Variants in HBEGF observed in about 807,000 individuals in gnomAD.
HBEGF encodes the protein proheparin-binding EGF-like growth factor.
A neutral mutation model predicts 19.5 loss-of-function variants in HBEGF; 8 were observed. The observed-to-expected ratio is 0.41, with a 90% confidence interval of 0.24 to 0.74. HBEGF has a LOEUF of 0.74. Among genes scored for constraint, HBEGF ranks in the 30% least tolerant of loss-of-function variants. HBEGF has a pLI of 0.32. For missense variants in HBEGF, 207 were observed against 256.9 expected (o/e 0.81, Z 1.33); for synonymous variants, 97 against 108.9 (o/e 0.89, Z 0.68).
At position 140,333,835 on chromosome 5, in the gene HBEGF, A is replaced by G. The variant is rs984162696; in HGVS notation, c.*464T>C. ...TCAAATCCAGCACTGGAGGGTCCCA[A>G]TGGCAGATCCCTTGGTGGTACTTGA... On this transcript the variant is annotated 3_prime_UTR_variant, in exon 6 of 6. Coordinates refer to ENST00000230990, the MANE Select transcript of HBEGF (RefSeq NM_001945.3). The G allele has an allele frequency of 3.9e-5, 6 of 152,572 alleles. No homozygotes were observed. Among genetic ancestry groups the G allele is most frequent in the Admixed American group, 1.3e-4 (2 of 15,270 alleles). The allele number at this position is 152,572 out of a possible 1,614,324, so 9.5% of individuals were successfully genotyped here.
chr5:140,335,072 A>G, intron 4 of HBEGF: 1 of 363,022 alleles, frequency 2.8e-6, no homozygotes, highest in Non-Finnish European at 5.1e-6. Context: ...CTCATGACAG[A>G]TGAGTTACAC....
rs1159984407 is a variant in HBEGF at position 140,342,767 on chromosome 5, T to A, written c.266A>T (p.Glu89Val). ...TTTCTTCTTTCTTTTCCCGTGCTCC[T>A]CCTTGTTTGGTGTGGCCAGTGCTTG... ...KPQALATPNK[E>V]EHGKRKKKGK... is the part of the protein sequence containing the mutation. Residue 89 changes from glutamate (E) to valine (V), a missense_variant, in exon 3 of 6, where the codon GAG (glutamate) becomes GTG (valine). Coordinates refer to ENST00000230990, the MANE Select transcript of HBEGF (RefSeq NM_001945.3). 3 of 1,614,196 alleles carry A rather than the reference T, an allele frequency of 1.9e-6. No homozygotes were observed. The highest frequency in any genetic ancestry group is 1.7e-6 in the Non-Finnish European group (2 of 1,180,034).
chr5:140,346,419 A>C lies in HBEGF; in HGVS notation c.-91T>G. 20 of 1,422,416 alleles carry C rather than the reference A, an allele frequency of 1.4e-5. No homozygotes were observed. The highest frequency in any genetic ancestry group is 1.9e-5 in the Non-Finnish European group (20 of 1,037,638). 88.1% of individuals were successfully genotyped at this position (1,422,416 alleles called of 1,614,324 possible). On this transcript the variant is annotated 5_prime_UTR_variant, in exon 1 of 6. Coordinates refer to ENST00000230990, the MANE Select transcript of HBEGF (RefSeq NM_001945.3). This position sits in a 1 kb window ranked among gnomAD's most constrained non-coding sequence, Gnocchi z 6.1. ...GCACCAGAGCTGGGCGGCGGAGCTC[A>C]GGAGATTCCGCCGGGCACCGTCTGC... is the stretch of plus-strand genomic sequence containing the variant.
Position 140,345,908 on chromosome 5 carries a change from C to A in HBEGF, c.220+3G>T. The A allele has an allele frequency of 6.2e-7, 1 of 1,614,106 alleles. No homozygotes were observed. Among genetic ancestry groups the A allele is most frequent in the East Asian group, 2.2e-5 (1 of 44,880 alleles). ...TCCAAGGATGGGGGGCCTCCACACC[C>A]ACCTCTCAAAAGGTCCAGATCTGCC... On this transcript the variant is annotated splice_donor_region_variant and intron_variant, in intron 2 of 5. Transcript: ENST00000230990.
chr5:140,343,821 T>C (rs915758257), intron 2 of HBEGF, among the ~76,000 whole-genome samples: 3 of 151,888 alleles, frequency 2.0e-5, no homozygotes, highest in African/African-American at 7.3e-5. Flanking sequence ...AGACTTAGAG[T>C]CTCAAGCTAG....
Position 140,334,855 on chromosome 5 carries a change from G to A in HBEGF, c.555-107C>T, listed in dbSNP as rs1766203736. ...GCCATGGTGGTTTCCTCTACTACTT[G>A]GAAAAGCCCAGGCAGTAGGGCAGCC... is the stretch of plus-strand genomic sequence containing the variant. On this transcript the variant is annotated intron_variant, in intron 4 of 5. Coordinates refer to ENST00000230990, the MANE Select transcript of HBEGF (RefSeq NM_001945.3). 6.5e-6 allele frequency: 6 copies of A among 926,268 alleles called. 1 individual carries two copies. Among genetic ancestry groups the A allele is most frequent in the Admixed American group, 1.7e-5 (1 of 57,660 alleles). 57.4% of individuals were successfully genotyped at this position (926,268 alleles called of 1,614,324 possible). A position where few individuals can be genotyped will look rare whatever the true frequency, so the allele number is the denominator to read the frequency against.
intron 2 of HBEGF, among the ~76,000 whole-genome samples, chr5:140,343,866 G>A (rs1264769588): frequency 6.6e-6 from 1 of 152,274 alleles, no homozygotes; most frequent in African/African-American, 2.4e-5. Flanking sequence ...GCCAGGCACG[G>A]TGGCTCACGC....
chr5:140,339,800 C>T (rs1766281211), intron 3 of HBEGF, among the ~76,000 whole-genome samples: 1 of 152,180 alleles, frequency 6.6e-6, no homozygotes, highest in African/African-American at 2.4e-5. Context: ...CTCAGGCTCA[C>T]CACAGCAGCC....
intron 3 of HBEGF, among the ~76,000 whole-genome samples, chr5:140,341,293 A>G (rs1453620884): frequency 6.6e-6 from 1 of 152,212 alleles, no homozygotes; most frequent in African/African-American, 2.4e-5. Context: ...CCCAGGACCA[A>G]TCTGGTATAG....
In HBEGF at chr5:140,333,619, A is replaced by G. The variant is rs1766185367; in HGVS notation, c.*680T>C. 1 of 152,702 alleles carries G rather than the reference A, an allele frequency of 6.5e-6. No individual in the cohort carries two copies. Among genetic ancestry groups the G allele is most frequent in the Non-Finnish European group, 1.5e-5 (1 of 68,054 alleles). 9.5% of individuals were successfully genotyped at this position (152,702 alleles called of 1,614,324 possible). A position where few individuals can be genotyped will look rare whatever the true frequency, so the allele number is the denominator to read the frequency against. ...GGAGGGCCAGGAAATTGCCAAAGTA[A>G]CAGTCTAGGCACTTGAAATATTATT... On this transcript the variant is annotated 3_prime_UTR_variant, in exon 6 of 6. Coordinates refer to ENST00000230990, the MANE Select transcript of HBEGF (RefSeq NM_001945.3).
At chr5:140,342,506 C>T in intron 3 of HBEGF, 129 bp downstream of exon 3, 2 of 913,870 alleles carry the variant, frequency 2.2e-6, no homozygotes, top group Non-Finnish European at 3.4e-6. Context: ...CCCCTCCTCC[C>T]AACTTCCGCC....
rs1053026377 is a variant in HBEGF at position 140,333,969 on chromosome 5, T to A, written c.*330A>T. On this transcript the variant is annotated 3_prime_UTR_variant, in exon 6 of 6. Transcript: ENST00000230990. ...TTTCAGTCAAAGATCCTGGAGCATA[T>A]GGAATTTAACCGGCATTCTAATCCA... 6.6e-6 allele frequency: 1 copy of A among 152,564 alleles called. No homozygotes were observed. The highest frequency in any genetic ancestry group is 1.5e-5 in the Non-Finnish European group (1 of 68,044). The allele number at this position is 152,564 out of a possible 1,614,324, so 9.5% of individuals were successfully genotyped here.
Position 140,342,753 on chromosome 5 carries a change from T to C in HBEGF, c.280A>G (p.Arg94Gly). 6.2e-7 allele frequency: 1 copy of C among 1,614,220 alleles called. No homozygotes were observed. The highest frequency in any genetic ancestry group is 8.5e-7 in the Non-Finnish European group (1 of 1,180,036). ...ATPNKEEHGKRKKKGKGLGKK... is the reference protein window; with the variant it reads ...ATPNKEEHGKGKKKGKGLGKK... ...CCTAGCCCCTTGCCTTTCTTCTTTC[T>C]TTTCCCGTGCTCCTCCTTGTTTGGT... is the stretch of plus-strand genomic sequence containing the variant. Residue 94 changes from arginine to glycine, a missense_variant, in exon 3 of 6, where the codon AGA becomes GGA. Coordinates refer to ENST00000230990, the MANE Select transcript of HBEGF (RefSeq NM_001945.3).
At position 140,346,435 on chromosome 5, in the gene HBEGF, C is replaced by T; in HGVS notation, c.-107G>A. The T allele has an allele frequency of 8.1e-7, 1 of 1,232,690 alleles. No individual in the cohort carries two copies. The allele number at this position is 1,232,690 out of a possible 1,614,324, so 76.4% of individuals were successfully genotyped here. A position where few individuals can be genotyped will look rare whatever the true frequency, so the allele number is the denominator to read the frequency against. ...GCGGAGCTCAGGAGATTCCGCCGGG[C>T]ACCGTCTGCCGCCCGCCTCTGCGTG... On this transcript the variant is annotated 5_prime_UTR_variant, in exon 1 of 6. Coordinates refer to ENST00000230990, the MANE Select transcript of HBEGF (RefSeq NM_001945.3). This position sits in a 1 kb window ranked among gnomAD's most constrained non-coding sequence, Gnocchi z 6.1.
At chr5:140,336,662 C>T (rs1766231708) in intron 3 of HBEGF, among the ~76,000 whole-genome samples, 1 of 152,190 alleles carries the variant, frequency 6.6e-6, no homozygotes, top group South Asian at 2.1e-4. Flanking sequence ...GGCCTCTGCA[C>T]GCTGAGCTAC....
intron 2 of HBEGF, among the ~76,000 whole-genome samples, chr5:140,344,210 G>C (rs911884359): frequency 2.0e-5 from 3 of 151,936 alleles, no homozygotes; most frequent in Non-Finnish European, 4.4e-5. Context: ...GCAGGATTGG[G>C]ATTAGAACTG....
At chr5:140,336,486 C>T (rs772644740) in intron 3 of HBEGF, among the ~76,000 whole-genome samples, 1 of 152,234 alleles carries the variant, frequency 6.6e-6, no homozygotes, top group East Asian at 1.9e-4. Context: ...AGAAATAAAC[C>T]CAGCCTTCCC....
intron 3 of HBEGF, among the ~76,000 whole-genome samples, chr5:140,337,557 G>A (rs148142686): frequency 4.6e-4 from 70 of 152,242 alleles, no homozygotes; most frequent in African/African-American, 1.5e-3. Flanking sequence ...TTCTTCCTGC[G>A]GACAGAGCAC....
chr5:140,334,932 C>G (rs1299878618), intron 4 of HBEGF, 184 bp from the exon 5 acceptor site: 2 of 616,460 alleles, frequency 3.2e-6, no homozygotes, highest in Non-Finnish European at 5.8e-6. Context: ...TCTCTAATAG[C>G]AGGATGCAAT....
Sources: allele counts gnomAD v4.1 joint callset (sites outside exome capture counted in the v4.1 genomes callset), GRCh38; gene constraint gnomAD v4.1.1; non-coding constraint Gnocchi (gnomAD v3.1); transcripts MANE v1.5; gene names NCBI Gene and HGNC (gene_info 2026-07-23, HGNC 2026-07-21).